The following GLYR1 variants were observed in gnomAD, a reference collection of about 807,000 sequenced individuals.
GLYR1 encodes cytokine-like nuclear factor N-PAC.
In GLYR1, 21 loss-of-function variants were observed where a neutral mutation model predicts 72.7. The observed-to-expected ratio is 0.29, with a 90% confidence interval of 0.20 to 0.42. GLYR1 has a LOEUF of 0.42. GLYR1 is among the 10% of genes least tolerant of loss of function. The pLI, the probability that GLYR1 is intolerant of heterozygous loss-of-function variation, is 1.00. For synonymous variants in GLYR1, 392 were observed against 270.2 expected (o/e 1.45, Z -4.42); for missense variants, 594 against 712.1 (o/e 0.83, Z 1.89).
At position 4,821,527 on chromosome 16, in the gene GLYR1, G is replaced by A. The variant is rs142737627; in HGVS notation, c.732+20C>T. The A allele has an allele frequency of 1.1e-3, 1,749 of 1,613,946 alleles. 1 individual carries two copies. Among genetic ancestry groups the A allele is most frequent in the Non-Finnish European group, 1.4e-3 (1,596 of 1,179,882 alleles). On this transcript the variant is annotated intron_variant, in intron 8 of 15. Coordinates refer to ENST00000321919, the MANE Select transcript of GLYR1 (RefSeq NM_032569.4). The stretch of plus-strand genomic sequence containing the variant: ...GGCCCCAGGTGAAAATTAAAATGGG[G>A]AGGCATGGAGCCTACATACCTCTTC...
rs746207953 is a variant in GLYR1 at position 4,811,667 on chromosome 16, T to C, written c.1418A>G (p.Asn473Ser). 2.5e-6 allele frequency: 4 copies of C among 1,614,178 alleles called. No homozygotes were observed. The highest frequency in any genetic ancestry group is 1.3e-5 in the African/African-American group (1 of 75,070). The change falls in exon 14 of 16, where the codon AAT becomes AGT. Residue 473 changes from asparagine to serine, a missense_variant. Around this residue, in one of 5 missense-constraint regions of GLYR1, gnomAD observed 266 missense variants for 358.4 expected, o/e 0.74. Coordinates refer to ENST00000321919, the MANE Select transcript of GLYR1 (RefSeq NM_032569.4). The part of the protein sequence containing the change: ...QSQQTLLDIL[N>S]QGQLASIFLD... Reference sequence around the variant, plus strand: ...GAAGATGCTGGCCAACTGTCCCTGATTGAGGATGTCCAAGAGTGTCTGCTG... The same window carrying C: ...GAAGATGCTGGCCAACTGTCCCTGACTGAGGATGTCCAAGAGTGTCTGCTG...
chr16:4,813,409 C>T (rs764150726), intron 12 of GLYR1, among the ~76,000 whole-genome samples: 32 of 152,288 alleles, frequency 2.1e-4, no homozygotes, highest in Middle Eastern at 3.4e-3. Context: ...GCCAGATGCT[C>T]GGGGAGGAGG....
At chr16:4,835,921 C>G (rs1037236460) in intron 3 of GLYR1, among the ~76,000 whole-genome samples, 2 of 152,162 alleles carry the variant, frequency 1.3e-5, no homozygotes, top group African/African-American at 4.8e-5. Context: ...CTTTGGCTAT[C>G]TGAATACAAT....
At chr16:4,811,516 C>T (rs1440372786) in intron 14 of GLYR1, 107 bp downstream of exon 14, 1 of 1,422,652 alleles carries the variant, frequency 7.0e-7, no homozygotes, top group Non-Finnish European at 9.7e-7. Context: ...TGGCCAGGGT[C>T]AGGGACTGAC....
At chr16:4,829,996 G>C (rs1200612923) in intron 5 of GLYR1, among the ~76,000 whole-genome samples, 1 of 151,724 alleles carries the variant, frequency 6.6e-6, no homozygotes, top group Non-Finnish European at 1.5e-5. Flanking sequence ...TAGAGATGGG[G>C]TTTCCCTATG....
chr16:4,807,261 G>A lies in GLYR1; in HGVS notation c.1588-1951C>T, dbSNP rs1024457851. 3.3e-5 allele frequency among the ~76,000 whole-genome samples: 5 copies of A among 151,756 alleles called. No individual in the cohort carries two copies. The East Asian group carries it at 9.7e-4, about 29-fold the overall frequency. ...GGAGTAGCTGGCATTAATAGTGCCC[G>A]CCACTATGCCCGGCTAATTTTTGGT... On this transcript the variant is annotated intron_variant, in intron 15 of 15. Coordinates refer to ENST00000321919, the MANE Select transcript of GLYR1 (RefSeq NM_032569.4).
At chr16:4,837,270 A>G (rs760845324) in intron 3 of GLYR1, among the ~76,000 whole-genome samples, 15 of 152,084 alleles carry the variant, frequency 9.9e-5, no homozygotes, top group Non-Finnish European at 1.6e-4. Context: ...CATCTCTACC[A>G]GAAAACACAA....
chr16:4,832,323 G>GTC (rs2084853231), intron 4 of GLYR1, 102 bp from the exon 5 acceptor site: 1 of 1,407,366 alleles, frequency 7.1e-7, no homozygotes, highest in Non-Finnish European at 9.8e-7. Context: ...ACTCTGTGTG[G>GTC]TCTCCTCACA....
intron 3 of GLYR1, among the ~76,000 whole-genome samples, chr16:4,834,619 C>T (rs887246064): frequency 3.3e-5 from 5 of 152,112 alleles, no homozygotes; most frequent in Non-Finnish European, 5.9e-5. Flanking sequence ...GTATGCACCA[C>T]CACACCCAGC....
chr16:4,815,916 G>C (rs2083608628), intron 10 of GLYR1, among the ~76,000 whole-genome samples: 1 of 151,822 alleles, frequency 6.6e-6, no homozygotes, highest in African/African-American at 2.4e-5. Flanking sequence ...CGAGTAGCTG[G>C]GACTACAGGC....
chr16:4,847,050 C>T (rs1004592615), intron 1 of GLYR1, 178 bp downstream of exon 1: 2 of 600,022 alleles, frequency 3.3e-6, no homozygotes, highest in African/African-American at 2.0e-5. Context: ...CGGCCTCGGT[C>T]CCCCGGGACT....
At chr16:4,813,634 C>G (rs1353658448) in intron 12 of GLYR1, 103 bp downstream of exon 12, 2 of 996,300 alleles carry the variant, frequency 2.0e-6, no homozygotes, top group Non-Finnish European at 1.5e-6. Context: ...TCTTCCCTCT[C>G]TGGCTTTGGC....
chr16:4,831,832 C>T, intron 5 of GLYR1, 147 bp downstream of exon 5: 1 of 1,172,258 alleles, frequency 8.5e-7, no homozygotes, highest in South Asian at 1.7e-5. Context: ...CCGCACCTGC[C>T]CTGCAGGATT....
In GLYR1 at chr16:4,847,079, G is replaced by A. The variant is rs75526858; in HGVS notation, c.38+149C>T. 3.1e-3 allele frequency: 2,247 copies of A among 735,250 alleles called. 42 individuals are homozygous for A. The African/African-American group carries it at 0.035, about 12-fold the overall frequency. The allele number at this position is 735,250 out of a possible 1,614,324, so 45.5% of individuals were successfully genotyped here. A position where few individuals can be genotyped will look rare whatever the true frequency, so the allele number is the denominator to read the frequency against. ...CGGGACTGGACTGCCCCTTCCGCCTGGCGCCGCTCGCAAGCGCCGGCACCT... is the reference window on the plus strand; with the variant it reads ...CGGGACTGGACTGCCCCTTCCGCCTAGCGCCGCTCGCAAGCGCCGGCACCT... On this transcript the variant is annotated intron_variant, in intron 1 of 15. Coordinates refer to ENST00000321919, the MANE Select transcript of GLYR1 (RefSeq NM_032569.4).
At chr16:4,806,339 A>G (rs1028517940) in intron 15 of GLYR1, among the ~76,000 whole-genome samples, 26 of 152,126 alleles carry the variant, frequency 1.7e-4, no homozygotes, top group Non-Finnish European at 4.4e-5. Flanking sequence ...TTTAATGGGA[A>G]ATGGTACAAG....
At chr16:4,822,667 G>A (rs983959992) in intron 7 of GLYR1, among the ~76,000 whole-genome samples, 7 of 152,234 alleles carry the variant, frequency 4.6e-5, no homozygotes, top group African/African-American at 1.7e-4. Flanking sequence ...GGGATGACAG[G>A]TGTGAGCCAC....
At chr16:4,817,473 C>G (rs2083720880) in intron 10 of GLYR1, 125 bp downstream of exon 10, 2 of 646,036 alleles carry the variant, frequency 3.1e-6, no homozygotes, top group Non-Finnish European at 5.5e-6. Context: ...TCTCTACCTG[C>G]CTGGACTAAA....
rs149289139 is a variant in GLYR1 at position 4,835,235 on chromosome 16, G to A, written c.156-2323C>T. On this transcript the variant is annotated intron_variant, in intron 3 of 15. Coordinates refer to ENST00000321919, the MANE Select transcript of GLYR1 (RefSeq NM_032569.4). ...CCACTACCCAGCCTCACAGGAACCC[G>A]ATTCTGAGGGAACAGAAAGGTGAGG... is the stretch of plus-strand genomic sequence containing the variant. 2.2e-3 allele frequency among the ~76,000 whole-genome samples: 338 copies of A among 152,170 alleles called. 2 individuals carry two copies. Among genetic ancestry groups the A allele is most frequent in the African/African-American group, 7.8e-3 (324 of 41,538 alleles).
At chr16:4,838,345 T>C (rs918121839) in intron 3 of GLYR1, among the ~76,000 whole-genome samples, 3 of 152,184 alleles carry the variant, frequency 2.0e-5, no homozygotes, top group African/African-American at 7.2e-5. Flanking sequence ...ACCACTGGTC[T>C]CTCAGTTTCC....
Sources: gnomAD v4.1 joint callset for allele counts (sites outside exome capture counted in the v4.1 genomes callset) on GRCh38, gnomAD v4.1.1 for gene constraint, gnomAD v4.1.1 regional missense constraint, MANE v1.5 for transcripts, NCBI Gene and HGNC (gene_info 2026-07-23, HGNC 2026-07-21) for gene names.